PPP1R13B: variants seen among roughly 807,000 people sequenced by gnomAD.
The protein encoded by PPP1R13B is apoptosis-stimulating of p53 protein 1.
Under a neutral mutation model 119.8 loss-of-function variants are expected in PPP1R13B, and 44 were observed. The observed-to-expected ratio is 0.37, with a 90% CI of 0.29 to 0.47. The LOEUF is 0.47. Ranked by LOEUF, PPP1R13B falls within the 20% of genes least tolerant of loss-of-function variation. PPP1R13B has a pLI of 0.99. For missense variants in PPP1R13B, 1,227 were observed against 1,413.5 expected (o/e 0.87, Z 2.12); for synonymous variants, 542 against 561.5 (o/e 0.97, Z 0.49).
intron 1 of PPP1R13B, among the ~76,000 whole-genome samples, chr14:103,839,264 A>G (rs919509926): frequency 6.6e-6 from 1 of 151,914 alleles, no homozygotes; most frequent in African/African-American, 2.4e-5. Flanking sequence ...TGCCCACCTC[A>G]GCCTCCCAAA....
chr14:103,798,045 T>C (rs755293690), intron 1 of PPP1R13B, among the ~76,000 whole-genome samples: 4 of 152,086 alleles, frequency 2.6e-5, no homozygotes, highest in Non-Finnish European at 5.9e-5. Context: ...CCTGGGTATA[T>C]TCCCTTTTAT....
chr14:103,749,528 A>G (rs887389832), intron 8 of PPP1R13B, among the ~76,000 whole-genome samples: 5 of 152,224 alleles, frequency 3.3e-5, no homozygotes, highest in African/African-American at 1.2e-4. Flanking sequence ...CCCCCAGTGA[A>G]GAGGAGACAG....
At chr14:103,825,184 T>C (rs1459961459) in intron 1 of PPP1R13B, among the ~76,000 whole-genome samples, 1 of 152,146 alleles carries the variant, frequency 6.6e-6, no homozygotes, top group Non-Finnish European at 1.5e-5. Flanking sequence ...AACTGGTAAG[T>C]GTTGTGTGTG....
Position 103,740,111 on chromosome 14 carries a change from G to GGTTTCCATTGGCATTGGT in PPP1R13B, c.2287_2304dup (p.Thr763_Asn768dup), listed in dbSNP as rs1567082665. On this transcript the variant is annotated inframe_insertion, in exon 12 of 17. Transcript: ENST00000202556. This position sits in a 1 kb window ranked among gnomAD's most constrained non-coding sequence, Gnocchi z 4.6. The stretch of plus-strand genomic sequence containing the variant: ...GGCTGGGCAGGGGGGAGCTCTTCCA[G>GGTTTCCATTGGCATTGGT]GTTTCCATTGGCATTGGTGTTTCCA... The GGTTTCCATTGGCATTGGT allele has an allele frequency of 6.2e-7, 1 of 1,613,722 alleles. No individual in the cohort carries two copies. The highest frequency in any genetic ancestry group is 8.5e-7 in the Non-Finnish European group (1 of 1,180,022).
rs200407398 is a variant in PPP1R13B at position 103,740,569 on chromosome 14, G to A, written c.1847C>T (p.Ser616Leu). ...KAVYGKPVLPSGSTSPSPLPF... is the reference protein window; with the variant it reads ...KAVYGKPVLPLGSTSPSPLPF... Reference sequence around the variant, plus strand: ...CAGCGGCGATGGAGAGGTTGAACCCGAAGGTAAAACGGGCTTACCATACAC... The same window carrying A: ...CAGCGGCGATGGAGAGGTTGAACCCAAAGGTAAAACGGGCTTACCATACAC... The change falls in exon 12 of 17, where the codon TCG becomes TTG. Residue 616 changes from serine (S) to leucine (L), a missense_variant. By Grantham distance (145) the Ser-to-Leu change is moderately radical (BLOSUM62 -2). Transcript: ENST00000202556. This position sits in a 1 kb window ranked among gnomAD's most constrained non-coding sequence, Gnocchi z 4.6. 7.0e-5 allele frequency: 108 copies of A among 1,539,794 alleles called. No homozygotes were observed. The African/African-American group carries it at 1.3e-3, about 19-fold the overall frequency.
intron 1 of PPP1R13B, among the ~76,000 whole-genome samples, chr14:103,838,210 GCACACA>G (rs10640450): frequency 0.079 from 11,873 of 149,440 alleles, 649 homozygotes; most frequent in Non-Finnish European, 0.13. Context: ...CTCTGTTATG[GCACACA>G]CACACACACA....
At chr14:103,808,411 A>G (rs374992344) in intron 1 of PPP1R13B, among the ~76,000 whole-genome samples, 1 of 152,332 alleles carries the variant, frequency 6.6e-6, no homozygotes, top group East Asian at 1.9e-4. Flanking sequence ...TGGGCTACAC[A>G]TAAAATACAC....
At chr14:103,769,342 C>T (rs969567077) in intron 4 of PPP1R13B, among the ~76,000 whole-genome samples, 2 of 152,022 alleles carry the variant, frequency 1.3e-5, no homozygotes, top group African/African-American at 4.8e-5. Flanking sequence ...CTGCCCGCCT[C>T]AGCCTCCCAA....
intron 1 of PPP1R13B, among the ~76,000 whole-genome samples, chr14:103,843,950 T>C: frequency 1.1e-5 from 1 of 93,702 alleles, no homozygotes; most frequent in South Asian, 3.0e-4. Flanking sequence ...AGACTCCGTC[T>C]CAAAAAAAAA....
intron 16 of PPP1R13B, among the ~76,000 whole-genome samples, 179 bp from the exon 17 acceptor site, chr14:103,735,374 G>A (rs576528857): frequency 7.0e-4 from 106 of 152,258 alleles, no homozygotes; most frequent in African/African-American, 2.5e-3. Flanking sequence ...TTTAAAATGT[G>A]CCTTGTACCC....
Position 103,746,543 on chromosome 14 carries a change from A to G in PPP1R13B, c.980T>C (p.Val327Ala). Reference sequence around the variant, plus strand: ...GGACTGTGGTGATGACGTGCCATTCACACGGTTCAGCTACAAATTGGGAAG... The same window carrying G: ...GGACTGTGGTGATGACGTGCCATTCGCACGGTTCAGCTACAAATTGGGAAG... ...LYGKKIQLNRVNGTSSPQSPL... is the reference protein window; with the variant it reads ...LYGKKIQLNRANGTSSPQSPL... The change falls in exon 9 of 17, where the codon GTG (valine) becomes GCG (alanine). Residue 327 changes from valine (V) to alanine (A), a missense_variant. Coordinates refer to ENST00000202556, the MANE Select transcript of PPP1R13B (RefSeq NM_015316.3). 1.3e-6 allele frequency: 2 copies of G among 1,594,186 alleles called. No homozygotes were observed. The highest frequency in any genetic ancestry group is 1.7e-6 in the Non-Finnish European group (2 of 1,168,394).
At chr14:103,761,228 T>G (rs114372880) in intron 4 of PPP1R13B, among the ~76,000 whole-genome samples, 1,796 of 140,734 alleles carry the variant, frequency 0.013, 37 homozygotes, top group African/African-American at 0.046. Context: ...GAGCTGTGAC[T>G]GCACCACTGC....
chr14:103,739,708 G>C (rs145884171), intron 12 of PPP1R13B, 116 bp downstream of exon 12: 25,752 of 1,274,776 alleles, frequency 0.02, 349 homozygotes, highest in Non-Finnish European at 0.024. Flanking sequence ...ACGTAACTCA[G>C]GGACATCCCT....
intron 1 of PPP1R13B, among the ~76,000 whole-genome samples, chr14:103,808,258 A>T (rs1285596842): frequency 1.3e-5 from 2 of 151,536 alleles, no homozygotes; most frequent in Non-Finnish European, 2.9e-5. Context: ...AAAAAAAATT[A>T]GTGTGAAAGT....
At chr14:103,761,291 A>G (rs1447708528) in intron 4 of PPP1R13B, among the ~76,000 whole-genome samples, 2 of 148,124 alleles carry the variant, frequency 1.4e-5, no homozygotes. Context: ...AAAAAAAAAA[A>G]AAAAAAAAGA....
At chr14:103,797,960 G>A (rs1158681217) in intron 1 of PPP1R13B, among the ~76,000 whole-genome samples, 3 of 151,798 alleles carry the variant, frequency 2.0e-5, no homozygotes, top group African/African-American at 7.3e-5. Context: ...ACCATATATC[G>A]TACACTAGCA....
chr14:103,751,775 CT>C (rs774411034), intron 7 of PPP1R13B, among the ~76,000 whole-genome samples: 6 of 152,184 alleles, frequency 3.9e-5, no homozygotes, highest in Non-Finnish European at 8.8e-5. Context: ...GCACCTTGAT[CT>C]TGGACTTCCA....
chr14:103,758,375 C>T (rs895279538), intron 4 of PPP1R13B, among the ~76,000 whole-genome samples: 2 of 152,152 alleles, frequency 1.3e-5, no homozygotes, highest in African/African-American at 2.4e-5. Flanking sequence ...TGACCCATTT[C>T]GGCCTCAGAA....
intron 1 of PPP1R13B, among the ~76,000 whole-genome samples, chr14:103,834,419 G>T (rs1206277083): frequency 6.6e-6 from 1 of 151,860 alleles, no homozygotes; most frequent in Non-Finnish European, 1.5e-5. Context: ...CACAAGAAGG[G>T]GAGAGGCATT....
Sources: allele counts gnomAD v4.1 joint callset (sites outside exome capture counted in the v4.1 genomes callset), GRCh38; gene constraint gnomAD v4.1.1; non-coding constraint Gnocchi (gnomAD v3.1); transcripts MANE v1.5; gene names NCBI Gene and HGNC (gene_info 2026-07-23, HGNC 2026-07-21).